Variants in DESI2 observed in about 807,000 individuals in gnomAD.
The protein encoded by DESI2 is deubiquitinase DESI2.
Under a neutral mutation model 24.1 loss-of-function variants are expected in DESI2, and 10 were observed. The observed-to-expected ratio is 0.41, with a 90% CI of 0.26 to 0.70. The LOEUF (loss-of-function observed/expected upper bound fraction) is 0.70. Ranked by LOEUF, DESI2 falls within the 30% of genes least tolerant of loss-of-function variation. DESI2 has a pLI of 0.29. For missense variants in DESI2, 122 were observed against 234.9 expected, an observed-to-expected ratio of 0.52 and a Z score of 3.14; for synonymous variants, 71 against 87.7, an observed-to-expected ratio of 0.81 and a Z score of 1.06.
chr1:244,689,142 A>G lies in DESI2; in HGVS notation c.116-107A>G, dbSNP rs1415031704. ...TTGTGAAAGCATTTTATAAACTGAA[A>G]AATATTTAGATGGTGTCACTGTTAT... On this transcript the variant is annotated intron_variant, in intron 2 of 4. Coordinates refer to ENST00000302550, the MANE Select transcript of DESI2 (RefSeq NM_016076.5). The surrounding 1 kb of genome is among the most constrained non-coding windows in gnomAD (Gnocchi z 4.0). 4.4e-5 allele frequency: 29 copies of G among 651,940 alleles called. No individual in the cohort carries two copies. The highest frequency in any genetic ancestry group is 2.2e-5 in the Non-Finnish European group (8 of 363,684). 40.4% of individuals were successfully genotyped at this position (651,940 alleles called of 1,614,324 possible).
At chr1:244,685,230 T>C (rs570429967) in intron 1 of DESI2, among the ~76,000 whole-genome samples, 3 of 152,166 alleles carry the variant, frequency 2.0e-5, no homozygotes, top group Non-Finnish European at 2.9e-5. Context: ...TTAGGTTGTC[T>C]TTTCCCACCT....
intron 4 of DESI2, chr1:244,694,585 ACTTTCT>A: frequency 1.2e-6 from 1 of 830,268 alleles, no homozygotes; most frequent in Non-Finnish European, 2.1e-6. Context: ...CTGCCGTTAT[ACTTTCT>A]CTTGCGCTTG....
intron 4 of DESI2, among the ~76,000 whole-genome samples, chr1:244,704,517 T>C (rs1159180591): frequency 1.4e-5 from 2 of 143,920 alleles, no homozygotes; most frequent in African/African-American, 5.2e-5. Context: ...CAGCAGATCA[T>C]CAGCGGGCAG....
chr1:244,699,393 CCAACAGGATGTA>C (rs201659454), intron 4 of DESI2, among the ~76,000 whole-genome samples: 2,851 of 151,724 alleles, frequency 0.019, 94 homozygotes, highest in African/African-American at 0.063. Context: ...ACCATCCTGG[CCAACAGGATGTA>C]CAACAGGATG....
At chr1:244,662,486 A>G (rs1258028457) in intron 1 of DESI2, among the ~76,000 whole-genome samples, 1 of 152,170 alleles carries the variant, frequency 6.6e-6, no homozygotes, top group African/African-American at 2.4e-5. Context: ...CTTTTCTATC[A>G]TATTCTTCCC....
At chr1:244,656,535 G>A (rs1323891093) in intron 1 of DESI2, 2 of 152,130 alleles carry the variant, frequency 1.3e-5, no homozygotes, top group East Asian at 3.8e-4. Flanking sequence ...TTTCTGAGTC[G>A]TGGGAATGAG....
At chr1:244,674,580 G>C (rs1318174456) in intron 1 of DESI2, among the ~76,000 whole-genome samples, 2 of 152,082 alleles carry the variant, frequency 1.3e-5, no homozygotes, top group African/African-American at 4.8e-5. Flanking sequence ...AGCCTATTCT[G>C]GGCATTTCAT....
At chr1:244,704,215 G>A (rs1677600864) in intron 4 of DESI2, among the ~76,000 whole-genome samples, 1 of 152,126 alleles carries the variant, frequency 6.6e-6, no homozygotes, top group African/African-American at 2.4e-5. Context: ...TAGACATAAG[G>A]TACTGTGAAA....
At chr1:244,657,868 C>T (rs1167974694) in intron 1 of DESI2, among the ~76,000 whole-genome samples, 2 of 152,152 alleles carry the variant, frequency 1.3e-5, no homozygotes, top group Non-Finnish European at 2.9e-5. Flanking sequence ...TACCAGAGCC[C>T]CACTCCTTCC....
intron 1 of DESI2, among the ~76,000 whole-genome samples, chr1:244,680,611 T>C (rs2806610): frequency 0.98 from 149,215 of 152,340 alleles, 73,151 homozygotes; most frequent in East Asian, 1. Context: ...CAACTATTAA[T>C]GATGCTCAGT....
chr1:244,683,893 T>C (rs1178482488), intron 1 of DESI2, among the ~76,000 whole-genome samples: 1 of 150,654 alleles, frequency 6.6e-6, no homozygotes, highest in East Asian at 2.0e-4. Context: ...TTTTAAGAGA[T>C]TGGGTCTCCC....
chr1:244,669,315 A>C (rs1676156290), intron 1 of DESI2, among the ~76,000 whole-genome samples: 1 of 151,930 alleles, frequency 6.6e-6, no homozygotes, highest in African/African-American at 2.4e-5. Flanking sequence ...TGTTTTTATT[A>C]AACTTGTACA....
At chr1:244,704,681 C>T (rs990023912) in intron 4 of DESI2, among the ~76,000 whole-genome samples, 19 of 150,312 alleles carry the variant, frequency 1.3e-4, no homozygotes, top group South Asian at 6.3e-4. Flanking sequence ...GTGTGTGAGA[C>T]GGAGTCTCAC....
Position 244,683,554 on chromosome 1 carries a change from G to A in DESI2, c.43-3043G>A, listed in dbSNP as rs573945040. On this transcript the variant is annotated intron_variant, in intron 1 of 4. Coordinates refer to ENST00000302550, the MANE Select transcript of DESI2 (RefSeq NM_016076.5). ...TCTTGATCTCCTGACCTTGTGATCC[G>A]CCCACCTCAGCCTCCCAAAGTGCTG... 1.1e-3 allele frequency among the ~76,000 whole-genome samples: 172 copies of A among 152,166 alleles called. 1 individual carries two copies. The highest frequency in any genetic ancestry group is 3.3e-3 in the African/African-American group (137 of 41,498).
chr1:244,687,399 G>A (rs890844466), intron 2 of DESI2, among the ~76,000 whole-genome samples: 7 of 152,156 alleles, frequency 4.6e-5, no homozygotes, highest in East Asian at 1.9e-4. Context: ...AATGGTCTGC[G>A]TAAGACAGAT....
chr1:244,694,290 C>T, intron 4 of DESI2: 1 of 404,062 alleles, frequency 2.5e-6, no homozygotes, highest in Non-Finnish European at 4.7e-6. Flanking sequence ...ATGGTTTTTA[C>T]ATTCTTTTTA....
At chr1:244,705,451 G>A in intron 4 of DESI2, 105 bp from the exon 5 acceptor site, 3 of 856,932 alleles carry the variant, frequency 3.5e-6, no homozygotes, top group Admixed American at 4.0e-5. Flanking sequence ...AGTCTGCCGT[G>A]GCTTCTCTGT....
chr1:244,675,997 A>G (rs1351686925), intron 1 of DESI2, among the ~76,000 whole-genome samples: 4 of 152,258 alleles, frequency 2.6e-5, no homozygotes, highest in East Asian at 3.9e-4. Flanking sequence ...AAATGTATCC[A>G]TAAGTTTATT....
intron 1 of DESI2, among the ~76,000 whole-genome samples, chr1:244,676,870 A>C (rs1191969033): frequency 6.8e-6 from 1 of 146,820 alleles, no homozygotes; most frequent in African/African-American, 2.5e-5. Context: ...TTCTTTGTCT[A>C]TTGGGATGAT....
Sources: gnomAD v4.1 joint callset for allele counts (sites outside exome capture counted in the v4.1 genomes callset) on GRCh38, gnomAD v4.1.1 for gene constraint, Gnocchi (gnomAD v3.1) non-coding constraint, MANE v1.5 for transcripts, NCBI Gene and HGNC (gene_info 2026-07-23, HGNC 2026-07-21) for gene names.